The following DOCK1 variants were observed in gnomAD, a reference collection of about 807,000 sequenced individuals.
DOCK1 encodes dedicator of cytokinesis protein 1.
DOCK1 carries 138 observed loss-of-function variants against 262.7 expected under a neutral mutation model. The observed-to-expected ratio is 0.53, with a 90% CI of 0.46 to 0.61. The LOEUF (loss-of-function observed/expected upper bound fraction) is 0.61. Ranked by LOEUF, DOCK1 falls within the 20% of genes least tolerant of loss-of-function variation. The pLI is 0.00. For synonymous variants in DOCK1, 866 were observed against 867.4 expected, an observed-to-expected ratio of 1.00 and a Z score of 0.03; for missense variants, 1,908 against 2,370.7, an observed-to-expected ratio of 0.80 and a Z score of 4.05.
chr10:127,326,014 A>G (rs2062734120), intron 29 of DOCK1, among the ~76,000 whole-genome samples: 1 of 152,244 alleles, frequency 6.6e-6, no homozygotes, highest in Non-Finnish European at 1.5e-5. Flanking sequence ...TCTTAAAAAA[A>G]CAGTGTATAT....
chr10:127,416,889 G>A (rs1238877438), intron 44 of DOCK1, among the ~76,000 whole-genome samples: 2 of 146,442 alleles, frequency 1.4e-5, no homozygotes, highest in Non-Finnish European at 3.0e-5. Flanking sequence ...CCGGACAAGG[G>A]GCCCTCTCAG....
At chr10:127,427,182 G>A (rs1197980797) in intron 47 of DOCK1, among the ~76,000 whole-genome samples, 6 of 152,190 alleles carry the variant, frequency 3.9e-5, no homozygotes, top group Admixed American at 1.3e-4. Context: ...CATGCCTGCC[G>A]GCACTGAGGG....
chr10:126,987,321 C>G (rs1344257055), intron 4 of DOCK1, among the ~76,000 whole-genome samples, 200 bp from the exon 5 acceptor site: 1 of 152,140 alleles, frequency 6.6e-6, no homozygotes, highest in African/African-American at 2.4e-5. Context: ...ATGTATGAAC[C>G]TTCCCAAGCT....
intron 28 of DOCK1, among the ~76,000 whole-genome samples, chr10:127,248,726 G>T (rs995013499): frequency 6.6e-6 from 1 of 152,208 alleles, no homozygotes; most frequent in African/African-American, 2.4e-5. Flanking sequence ...GGCAGACTTT[G>T]TGATTACATG....
chr10:126,947,140 G>A (rs905743331), intron 1 of DOCK1, among the ~76,000 whole-genome samples: 5 of 152,210 alleles, frequency 3.3e-5, no homozygotes, highest in African/African-American at 1.2e-4. Context: ...TATTTCATAG[G>A]GTTGATATGG....
chr10:127,447,628 G>A (rs2070670730), intron 51 of DOCK1, 83 bp downstream of exon 51: 2 of 1,537,232 alleles, frequency 1.3e-6, no homozygotes, highest in Non-Finnish European at 1.8e-6. Context: ...ATACTAGCAG[G>A]TTTACTTCGG....
At chr10:127,264,681 G>A (rs1416267078) in intron 29 of DOCK1, among the ~76,000 whole-genome samples, 1 of 151,526 alleles carries the variant, frequency 6.6e-6, no homozygotes, top group Middle Eastern at 3.2e-3. Context: ...TTTTTTCCAA[G>A]ACAGGGTCTC....
At position 127,095,648 on chromosome 10, in the gene DOCK1, G is replaced by C. The variant is rs760615688; in HGVS notation, c.2446-10583G>C. ...AGGCACCCATCTGTGACACAACCAC[G>C]TGGGCCAGGAAGCTGTGTGTGTGTG... is the stretch of plus-strand genomic sequence containing the variant. On this transcript the variant is annotated intron_variant, in intron 23 of 51. Coordinates refer to ENST00000623213, the MANE Select transcript of DOCK1 (RefSeq NM_001290223.2). Among the ~76,000 whole-genome samples, 50 of 147,546 alleles carry C rather than the reference G, an allele frequency of 3.4e-4. 1 individual carries two copies. The highest frequency in any genetic ancestry group is 7.1e-4 in the Non-Finnish European group (48 of 67,522).
At chr10:127,262,663 C>A (rs1458744407) in intron 29 of DOCK1, among the ~76,000 whole-genome samples, 1 of 152,188 alleles carries the variant, frequency 6.6e-6, no homozygotes, top group Non-Finnish European at 1.5e-5. Flanking sequence ...TTCTTTGACA[C>A]CTTTGCTTCA....
At chr10:127,316,500 G>C (rs1564986841) in intron 29 of DOCK1, among the ~76,000 whole-genome samples, 2 of 152,278 alleles carry the variant, frequency 1.3e-5, no homozygotes, top group Non-Finnish European at 2.9e-5. Flanking sequence ...GTTTGGCCTT[G>C]TATTGGATTC....
intron 1 of DOCK1, among the ~76,000 whole-genome samples, chr10:126,948,588 C>A (rs1449336031): frequency 6.6e-6 from 1 of 151,844 alleles, no homozygotes; most frequent in Non-Finnish European, 1.5e-5. Context: ...GAAACAGGGC[C>A]CTCAAAATGC....
At position 127,175,773 on chromosome 10, in the gene DOCK1, G is replaced by C. The variant is rs201790205; in HGVS notation, c.2847+48009G>C. The C allele has an allele frequency of 1.3e-5, 21 of 1,614,006 alleles. No homozygotes were observed. In the Admixed American group the frequency reaches 2.8e-4, roughly 22 times the overall value. ...TGGAGGCCGAGTGGAGTTTTGGAGC[G>C]CAGCTTCTCCATAGCTGAGCGGCTC... On this transcript the variant is annotated intron_variant, in intron 27 of 51. Transcript: ENST00000623213. The surrounding 1 kb of genome is among the most constrained non-coding windows in gnomAD (Gnocchi z 6.3).
intron 27 of DOCK1, among the ~76,000 whole-genome samples, chr10:127,165,199 CAG>C (rs982736064): frequency 1.3e-5 from 2 of 152,200 alleles, no homozygotes; most frequent in East Asian, 1.9e-4. Context: ...TAAATATCCA[CAG>C]AGTCTTTTAT....
At chr10:127,412,554 T>C (rs2067922816) in intron 43 of DOCK1, among the ~76,000 whole-genome samples, 1 of 152,226 alleles carries the variant, frequency 6.6e-6, no homozygotes. Flanking sequence ...CTGCTGAGAA[T>C]GGCTTCTCTT....
chr10:127,361,271 G>A (rs143103303), intron 32 of DOCK1, among the ~76,000 whole-genome samples: 57 of 151,678 alleles, frequency 3.8e-4, no homozygotes, highest in African/African-American at 1.1e-3. Flanking sequence ...CCGCTACCAC[G>A]CCCAGCTGAT....
At chr10:127,256,423 T>C (rs2059827118) in intron 28 of DOCK1, among the ~76,000 whole-genome samples, 1 of 152,170 alleles carries the variant, frequency 6.6e-6, no homozygotes, top group South Asian at 2.1e-4. Context: ...CATTTGGCAA[T>C]CCCTGACCAT....
chr10:127,392,189 T>C (rs117926517), intron 38 of DOCK1, among the ~76,000 whole-genome samples: 133 of 151,988 alleles, frequency 8.8e-4, no homozygotes, highest in Non-Finnish European at 1.5e-3. Context: ...TCTCAAACTT[T>C]CGTGGCTTTT....
Position 127,353,410 on chromosome 10 carries a change from G to A in DOCK1, c.3225-1259G>A, listed in dbSNP as rs546805783. 3.9e-4 allele frequency among the ~76,000 whole-genome samples: 59 copies of A among 152,328 alleles called. 1 individual carries two copies. The highest frequency in any genetic ancestry group is 1.1e-3 in the African/African-American group (46 of 41,578). On this transcript the variant is annotated intron_variant, in intron 31 of 51. Transcript: ENST00000623213. ...TGTGTTTCCTGGGCAATTGGGGGGC[G>A]TGAGTTATGCAGGGCGCTTTCCTCT...
chr10:127,220,261 A>G (rs1470146839), intron 27 of DOCK1, among the ~76,000 whole-genome samples: 1 of 151,304 alleles, frequency 6.6e-6, no homozygotes, highest in African/African-American at 2.4e-5. Flanking sequence ...GAAGCTAAGT[A>G]GGGAAACTTG....
Sources: allele counts gnomAD v4.1 joint callset (sites outside exome capture counted in the v4.1 genomes callset), GRCh38; gene constraint gnomAD v4.1.1; non-coding constraint Gnocchi (gnomAD v3.1); transcripts MANE v1.5; gene names NCBI Gene and HGNC (gene_info 2026-07-23, HGNC 2026-07-21).